NPLOC4: variants seen among roughly 807,000 people sequenced by gnomAD.
The protein encoded by NPLOC4 is NPL4 homolog, ubiquitin recognition factor, also known as nuclear protein localization protein 4 homolog.
NPLOC4 carries 18 observed loss-of-function variants against 80.6 expected under a neutral mutation model. The observed-to-expected ratio is 0.22, with a 90% CI of 0.15 to 0.33. The LOEUF (loss-of-function observed/expected upper bound fraction) is 0.33. Among genes scored for constraint, NPLOC4 ranks in the 10% least tolerant of loss-of-function variants. The pLI, the probability that NPLOC4 is intolerant of heterozygous loss-of-function variation, is 1.00. For synonymous variants in NPLOC4, 313 were observed against 301.5 expected (o/e 1.04, Z -0.39); for missense variants, 540 against 786.1 (o/e 0.69, Z 3.74).
intron 12 of NPLOC4, among the ~76,000 whole-genome samples, chr17:81,583,775 C>A (rs1428984561): frequency 6.6e-6 from 1 of 152,190 alleles, no homozygotes; most frequent in Admixed American, 6.5e-5. Context: ...AGACTCTCCT[C>A]CCTCCTGAAG....
At chr17:81,560,380 T>C (rs965309336) in intron 16 of NPLOC4, among the ~76,000 whole-genome samples, 2 of 150,660 alleles carry the variant, frequency 1.3e-5, no homozygotes, top group Admixed American at 6.6e-5. Context: ...GCCTCTTCAC[T>C]CCAGCCTGGG....
intron 11 of NPLOC4, among the ~76,000 whole-genome samples, chr17:81,594,786 A>G (rs2034851597): frequency 6.6e-6 from 1 of 151,954 alleles, no homozygotes; most frequent in Non-Finnish European, 1.5e-5. Context: ...GGAAAAAAAA[A>G]AAATTAAAAA....
intron 5 of NPLOC4, 72 bp from the exon 6 acceptor site, chr17:81,608,894 G>A (rs1359912671): frequency 1.8e-5 from 22 of 1,221,878 alleles, no homozygotes; most frequent in Non-Finnish European, 2.5e-5. Context: ...CCTCTGCTAC[G>A]CACAGGGGGA....
rs2033768902 is a variant in NPLOC4, at chr17:81,559,343, T to G, written c.1743A>C (p.Ala581=). 5 of 1,607,240 alleles carry G rather than the reference T, an allele frequency of 3.1e-6. No individual in the cohort carries two copies. Among genetic ancestry groups the G allele is most frequent in the Non-Finnish European group, 4.2e-6 (5 of 1,177,344 alleles). ...AVGGSTHTAT[A]AMWACQHCTF... ...TGCAGTGCTGACAGGCCCACATGGCTGCAGTGGCCGTGTGTGTGGAGCCCC... is the reference window on the plus strand; with the variant it reads ...TGCAGTGCTGACAGGCCCACATGGCGGCAGTGGCCGTGTGTGTGGAGCCCC... The change falls in exon 17 of 17, where the codon GCA becomes GCC. Residue 581 remains alanine (A), a synonymous_variant. Coordinates refer to ENST00000331134, the MANE Select transcript of NPLOC4 (RefSeq NM_017921.4).
At chr17:81,591,678 G>A (rs1467382678) in intron 11 of NPLOC4, among the ~76,000 whole-genome samples, 5 of 152,174 alleles carry the variant, frequency 3.3e-5, no homozygotes, top group Non-Finnish European at 7.3e-5. Flanking sequence ...TGCAGCAGCA[G>A]GACATACATG....
At chr17:81,571,322 C>G (rs2034155840) in intron 13 of NPLOC4, among the ~76,000 whole-genome samples, 1 of 152,222 alleles carries the variant, frequency 6.6e-6, no homozygotes, top group African/African-American at 2.4e-5. Flanking sequence ...CTGGCTTCTG[C>G]AAAGGCTCAT....
At chr17:81,564,150 A>G in intron 16 of NPLOC4, 1 of 289,470 alleles carries the variant, frequency 3.5e-6, no homozygotes, top group South Asian at 2.5e-5. Flanking sequence ...ACTATTAGGT[A>G]CTATGTGTAG....
Position 81,567,471 on chromosome 17 carries a change from G to C in NPLOC4, c.1512C>G (p.Ile504Met). Residue 504 changes from isoleucine (I) to methionine (M), a missense_variant, in exon 15 of 17, where the codon ATC becomes ATG. Ile to Met is a conservative substitution (Grantham distance 10). Transcript: ENST00000331134. This position sits in a 1 kb window ranked among gnomAD's most constrained non-coding sequence, Gnocchi z 4.5. The part of the protein sequence containing the change: ...QNTSSVFLDT[I>M]SDFHLLLFLV... ...GGAACAGCAAGAGGTGGAAATCTGAGATGGTATCCAAGAACACAGATGAGG... is the reference window on the plus strand; with the variant it reads ...GGAACAGCAAGAGGTGGAAATCTGACATGGTATCCAAGAACACAGATGAGG... 6.2e-7 allele frequency: 1 copy of C among 1,613,854 alleles called. No homozygotes were observed.
intron 12 of NPLOC4, among the ~76,000 whole-genome samples, chr17:81,582,848 G>A (rs1021156880): frequency 2.0e-5 from 3 of 152,260 alleles, no homozygotes; most frequent in African/African-American, 7.2e-5. Flanking sequence ...CTGGGCTCTG[G>A]GGCTGCACAT....
At chr17:81,585,191 A>AAAAAG (rs2034544644) in intron 12 of NPLOC4, among the ~76,000 whole-genome samples, 1 of 151,052 alleles carries the variant, frequency 6.6e-6, no homozygotes, top group Admixed American at 6.6e-5. Flanking sequence ...AAAAAAAAAA[A>AAAAAG]AAAAGAGTAT....
rs374727447 is a variant in NPLOC4, at chr17:81,559,228, G to A, written c.*31C>T. Reference sequence around the variant, plus strand: ...CTGGCTTCAGGAAGGGCTGGGCTGGGCCCGGTCCTAGCCAGCAGAGGGCAG... The same window carrying A: ...CTGGCTTCAGGAAGGGCTGGGCTGGACCCGGTCCTAGCCAGCAGAGGGCAG... On this transcript the variant is annotated 3_prime_UTR_variant, in exon 17 of 17. Transcript: ENST00000331134. 6.4e-4 allele frequency: 1,013 copies of A among 1,571,830 alleles called. 1 individual carries two copies. The highest frequency in any genetic ancestry group is 8.4e-4 in the South Asian group (72 of 85,646).
chr17:81,596,811 T>C (rs532122700), intron 10 of NPLOC4, among the ~76,000 whole-genome samples: 3 of 152,254 alleles, frequency 2.0e-5, no homozygotes, highest in African/African-American at 4.8e-5. Context: ...GAAGAACTTC[T>C]TGAAAAATAA....
intron 4 of NPLOC4, among the ~76,000 whole-genome samples, chr17:81,611,837 G>T (rs976415020): frequency 1.3e-5 from 2 of 151,516 alleles, no homozygotes; most frequent in African/African-American, 4.8e-5. Context: ...GCGGGCGCCT[G>T]TAGTCCCAGC....
At position 81,588,500 on chromosome 17, in the gene NPLOC4, T is replaced by TC. The variant is rs557948686; in HGVS notation, c.1281+443_1281+444insG. Among the ~76,000 whole-genome samples the TC allele has an allele frequency of 2.1e-4, 32 of 152,328 alleles. No individual in the cohort carries two copies. In the South Asian group the frequency reaches 5.4e-3, roughly 26 times the overall value. On this transcript the variant is annotated intron_variant, in intron 12 of 16. Coordinates refer to ENST00000331134, the MANE Select transcript of NPLOC4 (RefSeq NM_017921.4). ...CCTCAGCCTCCTGAGTAGCTGGGAC[T>TC]ACAGTTCATGCCACCACATCTACTT...
At chr17:81,569,250 A>G in intron 13 of NPLOC4, 139 bp from the exon 14 acceptor site, 1 of 621,834 alleles carries the variant, frequency 1.6e-6, no homozygotes, top group Non-Finnish European at 2.9e-6. Context: ...CTCTCCATCA[A>G]AGGGAACCGT....
At chr17:81,635,255 C>G (rs1199648774) in intron 1 of NPLOC4, among the ~76,000 whole-genome samples, 2 of 150,692 alleles carry the variant, frequency 1.3e-5, no homozygotes, top group Non-Finnish European at 2.9e-5. Context: ...AGGAGAATTT[C>G]TTGAACCCGA....
At chr17:81,601,931 G>A (rs954334224) in intron 8 of NPLOC4, among the ~76,000 whole-genome samples, 4 of 152,136 alleles carry the variant, frequency 2.6e-5, no homozygotes, top group African/African-American at 9.7e-5. Flanking sequence ...CAGCTGCAGG[G>A]CACCCCAGCC....
chr17:81,624,349 C>T (rs955964547), intron 2 of NPLOC4, among the ~76,000 whole-genome samples: 17 of 152,150 alleles, frequency 1.1e-4, no homozygotes, highest in African/African-American at 2.9e-4. Flanking sequence ...AACCAGAAGG[C>T]AGAGGTTGCA....
At chr17:81,629,299 C>A (rs1014359154) in intron 2 of NPLOC4, among the ~76,000 whole-genome samples, 2 of 147,662 alleles carry the variant, frequency 1.4e-5, no homozygotes, top group Admixed American at 1.4e-4. Context: ...TCAAGCAATT[C>A]TCTTGCCTCA....
Sources: allele counts gnomAD v4.1 joint callset (sites outside exome capture counted in the v4.1 genomes callset), GRCh38; gene constraint gnomAD v4.1.1; non-coding constraint Gnocchi (gnomAD v3.1); transcripts MANE v1.5; gene names NCBI Gene and HGNC (gene_info 2026-07-23, HGNC 2026-07-21).